Variants in NMS observed in about 807,000 individuals in gnomAD.
NMS encodes the protein neuromedin S.
Under a neutral mutation model 32.2 loss-of-function variants are expected in NMS, and 30 were observed. The observed-to-expected ratio is 0.93, with a 90% confidence interval of 0.70 to 1.26. The LOEUF is 1.26. NMS is among the 50% of genes most tolerant of loss of function. The pLI is 0.00. For synonymous variants in NMS, 76 were observed against 58.5 expected (o/e 1.30, Z -1.37); for missense variants, 190 against 186.3 (o/e 1.02, Z -0.12).
At chr2:100,481,293 C>G in intron 8 of NMS, 126 bp downstream of exon 8, 1 of 889,534 alleles carries the variant, frequency 1.1e-6, no homozygotes. Context: ...TGGAGACTCT[C>G]TCATCCTTCA....
chr2:100,477,338 T>C (rs1384833593), intron 4 of NMS, 23 bp from the exon 5 acceptor site: 4 of 1,611,882 alleles, frequency 2.5e-6, no homozygotes, highest in Middle Eastern at 1.7e-4. Flanking sequence ...TCGATACTAA[T>C]ATCACTTTCT....
intron 5 of NMS, among the ~76,000 whole-genome samples, chr2:100,478,422 A>G (rs1405370517): frequency 2.0e-5 from 3 of 152,204 alleles, no homozygotes; most frequent in Non-Finnish European, 4.4e-5. Flanking sequence ...AATCAGTATT[A>G]TAGATGTAGG....
chr2:100,480,427 C>A, intron 6 of NMS, 69 bp from the exon 7 acceptor site: 1 of 1,495,108 alleles, frequency 6.7e-7, no homozygotes, highest in Non-Finnish European at 9.3e-7. Flanking sequence ...AGGGCAGGAT[C>A]ACTGCAAGAC....
chr2:100,477,499 T>C, intron 5 of NMS, 85 bp downstream of exon 5: 1 of 1,018,096 alleles, frequency 9.8e-7, no homozygotes, highest in Non-Finnish European at 1.5e-6. Flanking sequence ...TGCAGACAAG[T>C]AGAAAAGCTG....
At chr2:100,476,378 C>G (rs919465137) in intron 3 of NMS, among the ~76,000 whole-genome samples, 5 of 152,154 alleles carry the variant, frequency 3.3e-5, no homozygotes, top group African/African-American at 4.8e-5. Context: ...CATGTTTGTG[C>G]ATCCACACAT....
chr2:100,470,514 C>T lies in NMS; in HGVS notation c.26C>T (p.Pro9Leu). The T allele has an allele frequency of 6.2e-7, 1 of 1,613,336 alleles. No homozygotes were observed. Among genetic ancestry groups the T allele is most frequent in the South Asian group, 1.1e-5 (1 of 91,066 alleles). ...ATGAAACATCTTCGTCCCCAGTTCC[C>T]TCTCATCTTGGCCATCTACTGCTTC... MKHLRPQFPLILAIYCFCM... is the reference protein window; with the variant it reads MKHLRPQFLLILAIYCFCM... Residue 9 changes from proline (P) to leucine (L), a missense_variant, in exon 1 of 10, where the codon CCT becomes CTT. Transcript: ENST00000376865.
intron 3 of NMS, among the ~76,000 whole-genome samples, chr2:100,476,129 A>G (rs1558668140): frequency 6.6e-6 from 1 of 152,212 alleles, no homozygotes; most frequent in Non-Finnish European, 1.5e-5. Context: ...AAAAGTAAAC[A>G]TAACAGTATA....
At chr2:100,479,210 G>A (rs994851430) in intron 5 of NMS, 143 bp from the exon 6 acceptor site, 1 of 538,988 alleles carries the variant, frequency 1.9e-6, no homozygotes, top group African/African-American at 2.0e-5. Flanking sequence ...TTCAGGCTTT[G>A]GCTCAAAAAT....
chr2:100,475,999 C>CAAAAAAAAAAAAAAAAA (rs746460668), intron 3 of NMS, among the ~76,000 whole-genome samples: 8 of 111,712 alleles, frequency 7.2e-5, no homozygotes, highest in East Asian at 2.5e-4. Flanking sequence ...ACCCTATCTC[C>CAAAAAAAAAAAAAAAAA]AAAAAAAAAA....
intron 5 of NMS, 44 bp from the exon 6 acceptor site, chr2:100,479,309 T>TG: frequency 6.8e-7 from 1 of 1,461,882 alleles, no homozygotes; most frequent in Non-Finnish European, 9.4e-7. Flanking sequence ...TACCCCTCTG[T>TG]GGATGTCCCC....
intron 1 of NMS, among the ~76,000 whole-genome samples, chr2:100,471,868 A>G (rs1677012135): frequency 6.6e-6 from 1 of 152,226 alleles, no homozygotes; most frequent in South Asian, 2.1e-4. Flanking sequence ...TGAAGTTCTC[A>G]AAATAGTTGA....
intron 5 of NMS, among the ~76,000 whole-genome samples, chr2:100,478,497 T>C (rs1454399261): frequency 1.3e-5 from 2 of 151,362 alleles, no homozygotes; most frequent in Non-Finnish European, 3.0e-5. Context: ...AGTTTCACTC[T>C]TGTTGCCCAG....
intron 8 of NMS, among the ~76,000 whole-genome samples, chr2:100,481,513 A>G (rs986024538): frequency 3.9e-5 from 6 of 152,198 alleles, no homozygotes; most frequent in Non-Finnish European, 7.3e-5. Flanking sequence ...CTTAGGCACC[A>G]TCCTCTACTC....
In NMS at chr2:100,480,500, C is replaced by A; in HGVS notation, c.341C>A (p.Ser114Ter). The A allele has an allele frequency of 6.2e-7, 1 of 1,613,224 alleles. No individual in the cohort carries two copies. Among genetic ancestry groups the A allele is most frequent in the Non-Finnish European group, 8.5e-7 (1 of 1,179,890 alleles). Residue 114 changes from serine (S) to a stop codon, truncating the protein, a stop_gained, in exon 7 of 10, where the codon TCG (serine) becomes TAG (stop). Transcript: ENST00000376865. LOFTEE classifies it high-confidence loss of function. ...CTGTGCCTCATTTCCTTGCAGGGCTCGGGGACTGCTGCAGTGGACTTCACC... is the reference window on the plus strand; with the variant it reads ...CTGTGCCTCATTTCCTTGCAGGGCTAGGGGACTGCTGCAGTGGACTTCACC... ...RRMKRILQRG[S>*]GTAAVDFTKK...
chr2:100,470,642 C>T (rs13414632), intron 1 of NMS, 78 bp downstream of exon 1: 255,777 of 1,139,314 alleles, frequency 0.22, 29,828 homozygotes, highest in East Asian at 0.32. Context: ...CCCAGGGCAG[C>T]TCTGGAGGGA....
At position 100,481,136 on chromosome 2, in the gene NMS, C is replaced by T. The variant is rs200077599; in HGVS notation, c.383C>T (p.Ala128Val). The T allele has an allele frequency of 2.6e-4, 421 of 1,613,934 alleles. 1 individual carries two copies. The highest frequency in any genetic ancestry group is 8.1e-5 in the Non-Finnish European group (96 of 1,179,944). Reference protein sequence around the residue: ...AVDFTKKDHTATWGRPFFLFR... With the variant: ...AVDFTKKDHTVTWGRPFFLFR... ...TTCTATATGTTGCAGGATCACACTG[C>T]GACCTGGGGACGACCCTTTTTCCTT... The change falls in exon 8 of 10, where the codon GCG becomes GTG. Residue 128 changes from alanine to valine, a missense_variant. Physicochemically the swap from Ala to Val is moderately conservative, Grantham distance 64. Coordinates refer to ENST00000376865, the MANE Select transcript of NMS (RefSeq NM_001011717.1).
Position 100,470,499 on chromosome 2 carries a change from T to C in NMS, c.11T>C (p.Leu4Pro). Residue 4 changes from leucine (L) to proline (P), a missense_variant, in exon 1 of 10, where the codon CTT becomes CCT. Transcript: ENST00000376865. MKH[L>P]RPQFPLILAI... ...AACCAGACTCTCACAATGAAACATC[T>C]TCGTCCCCAGTTCCCTCTCATCTTG... 1 of 1,613,796 alleles carries C rather than the reference T, an allele frequency of 6.2e-7. No individual in the cohort carries two copies. Among genetic ancestry groups the C allele is most frequent in the Non-Finnish European group, 8.5e-7 (1 of 1,179,752 alleles).
chr2:100,481,413 G>A (rs897601889), intron 8 of NMS, among the ~76,000 whole-genome samples: 3 of 152,168 alleles, frequency 2.0e-5, no homozygotes, highest in Non-Finnish European at 4.4e-5. Flanking sequence ...TCTTCTGACA[G>A]ACAGACACAA....
intron 8 of NMS, among the ~76,000 whole-genome samples, chr2:100,481,552 G>T (rs192061997): frequency 6.6e-6 from 1 of 152,154 alleles, no homozygotes; most frequent in South Asian, 2.1e-4. Flanking sequence ...TTCTTGCAAA[G>T]GTCACAGAGT....
Sources: gnomAD v4.1 joint callset for allele counts (sites outside exome capture counted in the v4.1 genomes callset) on GRCh38, gnomAD v4.1.1 for gene constraint, MANE v1.5 for transcripts, NCBI Gene and HGNC (gene_info 2026-07-23, HGNC 2026-07-21) for gene names.